SMAD3: variants seen among roughly 807,000 people sequenced by gnomAD.
SMAD3 encodes MAD homolog 3.
SMAD3 carries 12 observed loss-of-function variants against 51.8 expected under a neutral mutation model. The observed-to-expected ratio is 0.23, with a 90% CI of 0.15 to 0.38. The LOEUF is 0.38. SMAD3 is among the 10% of genes least tolerant of loss of function. The pLI is 1.00. For synonymous variants in SMAD3, 238 were observed against 227.7 expected (o/e 1.05, Z -0.41); for missense variants, 294 against 565.6 (o/e 0.52, Z 4.87).
chr15:67,085,471 A>G (rs1960367895), intron 1 of SMAD3, among the ~76,000 whole-genome samples: 1 of 152,208 alleles, frequency 6.6e-6, no homozygotes, highest in Admixed American at 6.5e-5. Context: ...ACTCATTTGA[A>G]TAGTTTCAGA....
At chr15:67,164,316 G>GGA (rs766286357) in intron 1 of SMAD3, among the ~76,000 whole-genome samples, 2 of 83,670 alleles carry the variant, frequency 2.4e-5, no homozygotes, top group African/African-American at 9.1e-5. Flanking sequence ...CTCCGTCTCA[G>GGA]AAAAAAAAAA....
chr15:67,098,615 C>T lies in SMAD3; in HGVS notation c.206+32255C>T, dbSNP rs937809902. The stretch of plus-strand genomic sequence containing the variant: ...GGCAAACCACAGAGTACATTTGAGG[C>T]CCAGATCTGCTTATTTCGAGGGTGG... On this transcript the variant is annotated intron_variant, in intron 1 of 8. Coordinates refer to ENST00000327367, the MANE Select transcript of SMAD3 (RefSeq NM_005902.4). The T allele has an allele frequency of 1.8e-5, 9 of 504,236 alleles. No homozygotes were observed. In the Admixed American group the frequency reaches 2.9e-4, roughly 16 times the overall value. The allele number at this position is 504,236 out of a possible 1,614,324, so 31.2% of individuals were successfully genotyped here. A position where few individuals can be genotyped will look rare whatever the true frequency, so the allele number is the denominator to read the frequency against.
chr15:67,134,378 G>C (rs1336316550), intron 1 of SMAD3, among the ~76,000 whole-genome samples: 1 of 152,138 alleles, frequency 6.6e-6, no homozygotes, highest in African/African-American at 2.4e-5. Context: ...TCCAGCCATC[G>C]GAGAGATGCA....
intron 1 of SMAD3, among the ~76,000 whole-genome samples, chr15:67,125,467 G>A (rs1961362472): frequency 6.6e-6 from 1 of 152,214 alleles, no homozygotes; most frequent in Non-Finnish European, 1.5e-5. Context: ...CCAGATGTCA[G>A]TCCTGTGACC....
At chr15:67,120,966 G>A (rs1961246034) in intron 1 of SMAD3, among the ~76,000 whole-genome samples, 1 of 152,166 alleles carries the variant, frequency 6.6e-6, no homozygotes, top group Admixed American at 6.6e-5. Flanking sequence ...CAAAACACCG[G>A]ACACCCCTGC....
At chr15:67,119,330 G>A (rs904184209) in intron 1 of SMAD3, among the ~76,000 whole-genome samples, 5 of 152,196 alleles carry the variant, frequency 3.3e-5, no homozygotes, top group African/African-American at 9.7e-5. Context: ...CTTAGCAAGG[G>A]CAGTCATGAT....
chr15:67,144,404 A>G (rs1190315475), intron 1 of SMAD3, among the ~76,000 whole-genome samples: 1 of 151,692 alleles, frequency 6.6e-6, no homozygotes, highest in Admixed American at 6.6e-5. Flanking sequence ...GGGATTATTT[A>G]TTTTCATTTT....
chr15:67,184,101 CTT>C (rs557069329), intron 6 of SMAD3, among the ~76,000 whole-genome samples: 40 of 136,646 alleles, frequency 2.9e-4, no homozygotes, highest in Non-Finnish European at 3.7e-4. Context: ...TCATCATTCC[CTT>C]TTTTTTTTTT....
chr15:67,073,505 A>G (rs1035032434), intron 1 of SMAD3, among the ~76,000 whole-genome samples: 1 of 152,230 alleles, frequency 6.6e-6, no homozygotes, highest in Non-Finnish European at 1.5e-5. Flanking sequence ...GGTAGGAGTC[A>G]GCAGACCTTG....
rs2289790 is a variant in SMAD3 at position 67,184,632 on chromosome 15, T to C, written c.872-95T>C. 370,851 of 1,472,636 alleles carry C rather than the reference T, an allele frequency of 0.25. 49,607 individuals carry two copies. The highest frequency in any genetic ancestry group is 0.5 in the East Asian group (21,877 of 44,126). The allele number at this position is 1,472,636 out of a possible 1,614,324, so 91.2% of individuals were successfully genotyped here. A position where few individuals can be genotyped will look rare whatever the true frequency, so the allele number is the denominator to read the frequency against. Reference sequence around the variant, plus strand: ...GAAGCTGGCAGTCACTGGGAGCAGCTCTGCTGTTCTGCCTCCTTTGCGAGC... The same window carrying C: ...GAAGCTGGCAGTCACTGGGAGCAGCCCTGCTGTTCTGCCTCCTTTGCGAGC... On this transcript the variant is annotated intron_variant, in intron 6 of 8. Coordinates refer to ENST00000327367, the MANE Select transcript of SMAD3 (RefSeq NM_005902.4).
chr15:67,168,119 T>C (rs191328316), intron 4 of SMAD3, among the ~76,000 whole-genome samples: 1 of 152,226 alleles, frequency 6.6e-6, no homozygotes, highest in Admixed American at 6.5e-5. Flanking sequence ...CACGCCCGGC[T>C]CATTTGTGTA....
intron 1 of SMAD3, among the ~76,000 whole-genome samples, chr15:67,150,845 G>GTTTTTTTTTTTTT (rs1342434861): frequency 6.9e-5 from 1 of 14,398 alleles, no homozygotes; most frequent in Admixed American, 1.2e-3. Flanking sequence ...CTATTTCTCA[G>GTTTTTTTTTTTTT]TCTTTTTTTT....
At chr15:67,157,257 G>T (rs763832166) in intron 1 of SMAD3, among the ~76,000 whole-genome samples, 14 of 152,312 alleles carry the variant, frequency 9.2e-5, no homozygotes, top group Non-Finnish European at 1.8e-4. Context: ...CACTTCTATG[G>T]CCCAGTTAAC....
At chr15:67,136,809 C>T (rs919971525) in intron 1 of SMAD3, among the ~76,000 whole-genome samples, 1 of 152,236 alleles carries the variant, frequency 6.6e-6, no homozygotes, top group Non-Finnish European at 1.5e-5. Flanking sequence ...ATATTTTCTC[C>T]CCATCCCCCC....
intron 1 of SMAD3, among the ~76,000 whole-genome samples, chr15:67,145,438 C>T (rs758935439): frequency 3.3e-5 from 5 of 152,110 alleles, no homozygotes; most frequent in Non-Finnish European, 7.4e-5. Flanking sequence ...ATTTAAAAAA[C>T]AAAAACAAAA....
At chr15:67,088,834 G>A (rs1422821124) in intron 1 of SMAD3, among the ~76,000 whole-genome samples, 1 of 152,156 alleles carries the variant, frequency 6.6e-6, no homozygotes, top group Non-Finnish European at 1.5e-5. Flanking sequence ...GGCTGAGGCA[G>A]GAGAATCACT....
rs935380489 is a variant in SMAD3 at position 67,193,313 on chromosome 15, G to C, written c.*2777G>C. 8.6e-6 allele frequency: 2 copies of C among 233,284 alleles called. No individual in the cohort carries two copies. Among genetic ancestry groups the C allele is most frequent in the Non-Finnish European group, 1.7e-5 (2 of 118,064 alleles). 14.5% of individuals were successfully genotyped at this position (233,284 alleles called of 1,614,324 possible). A position where few individuals can be genotyped will look rare whatever the true frequency, so the allele number is the denominator to read the frequency against. The stretch of plus-strand genomic sequence containing the variant: ...GTGTTGCCCCTGCCCTGGGCTCCCC[G>C]CCATGACATCTTCACCTTGCAGCTT... On this transcript the variant is annotated 3_prime_UTR_variant, in exon 9 of 9. Transcript: ENST00000327367.
At chr15:67,091,726 C>G (rs969200282) in intron 1 of SMAD3, among the ~76,000 whole-genome samples, 4 of 152,166 alleles carry the variant, frequency 2.6e-5, no homozygotes, top group Admixed American at 2.6e-4. Context: ...ACCAAGCTCT[C>G]AATTCTAGAA....
At chr15:67,126,389 G>T (rs558598132) in intron 1 of SMAD3, among the ~76,000 whole-genome samples, 13 of 152,136 alleles carry the variant, frequency 8.5e-5, no homozygotes, top group South Asian at 2.1e-4. Flanking sequence ...CTCCTAGCCC[G>T]TTACCACAGC....
Sources: allele counts gnomAD v4.1 joint callset (sites outside exome capture counted in the v4.1 genomes callset), GRCh38; gene constraint gnomAD v4.1.1; transcripts MANE v1.5; gene names NCBI Gene and HGNC (gene_info 2026-07-23, HGNC 2026-07-21).